PCLO: variants seen among roughly 807,000 people sequenced by gnomAD.
PCLO encodes piccolo presynaptic cytomatrix protein.
Under a neutral mutation model 427.5 loss-of-function variants are expected in PCLO, and 82 were observed. That is an observed-to-expected ratio of 0.19 (90% CI 0.16 to 0.23). The LOEUF is 0.23. Ranked by LOEUF, PCLO falls within the 10% of genes least tolerant of loss-of-function variation. The pLI is 1.00. For missense variants in PCLO, 6,239 were observed against 6,115.9 expected (o/e 1.02, Z -0.67); for synonymous variants, 2,357 against 2,155.4 (o/e 1.09, Z -2.59).
chr7:82,876,736 A>T (rs1264045708), intron 10 of PCLO, among the ~76,000 whole-genome samples: 4 of 152,144 alleles, frequency 2.6e-5, no homozygotes, highest in Non-Finnish European at 5.9e-5. Flanking sequence ...TTAAATATTG[A>T]CAGTCAAGAC....
chr7:82,980,800 T>C (rs10487652), intron 3 of PCLO, among the ~76,000 whole-genome samples: 11,203 of 152,118 alleles, frequency 0.074, 1,402 homozygotes, highest in African/African-American at 0.26. Context: ...TTATAGAGAA[T>C]GTGATGATTT....
At chr7:83,153,785 C>G (rs1409794119) in intron 2 of PCLO, among the ~76,000 whole-genome samples, 1 of 152,152 alleles carries the variant, frequency 6.6e-6, no homozygotes, top group East Asian at 1.9e-4. Context: ...CTGACTCTAA[C>G]CTATCTCCAA....
rs531358242 is a variant in PCLO, at chr7:82,902,800, T to C, written c.13438-59A>G. The C allele has an allele frequency of 4.5e-4, 365 of 813,466 alleles. 4 individuals are homozygous for C. The South Asian group carries it at 4.9e-3, about 11-fold the overall frequency. The allele number at this position is 813,466 out of a possible 1,614,324, so 50.4% of individuals were successfully genotyped here. A position where few individuals can be genotyped will look rare whatever the true frequency, so the allele number is the denominator to read the frequency against. On this transcript the variant is annotated intron_variant, in intron 8 of 24. Transcript: ENST00000333891. ...CATTAAAGACACTTAAAGTGCAATA[T>C]ACATAATTAGAATGGTTCATTTCAA...
chr7:82,901,298 T>C (rs557455435), intron 9 of PCLO, among the ~76,000 whole-genome samples: 3 of 151,906 alleles, frequency 2.0e-5, no homozygotes, highest in Non-Finnish European at 4.4e-5. Context: ...CAAAATGTCA[T>C]GAGTCATCTA....
intron 20 of PCLO, among the ~76,000 whole-genome samples, chr7:82,807,615 T>C (rs780251907): frequency 3.1e-4 from 47 of 152,070 alleles, no homozygotes; most frequent in Non-Finnish European, 5.6e-4. Context: ...TTTCTTCACT[T>C]TTTCAATTTC....
chr7:83,019,863 C>A (rs1389816102), intron 3 of PCLO, among the ~76,000 whole-genome samples: 4 of 151,900 alleles, frequency 2.6e-5, no homozygotes, highest in Admixed American at 2.6e-4. Context: ...AATTTAAATA[C>A]CAGAAAGATT....
intron 2 of PCLO, among the ~76,000 whole-genome samples, chr7:83,138,015 A>G (rs769462600): frequency 2.6e-5 from 4 of 152,080 alleles, no homozygotes; most frequent in Admixed American, 6.6e-5. Context: ...CCTATTATCA[A>G]TGTCAACTCT....
chr7:82,992,999 G>GTAT (rs370421499), intron 3 of PCLO, among the ~76,000 whole-genome samples: 12 of 152,052 alleles, frequency 7.9e-5, no homozygotes, highest in African/African-American at 2.6e-4. Flanking sequence ...TATGTGCTCA[G>GTAT]TATTGTCTCT....
chr7:83,158,960 A>C (rs1445190319), intron 1 of PCLO, among the ~76,000 whole-genome samples: 2 of 152,034 alleles, frequency 1.3e-5, no homozygotes, highest in Non-Finnish European at 2.9e-5. Flanking sequence ...TGTTAGGCAT[A>C]ACAGTTTTAC....
intron 10 of PCLO, among the ~76,000 whole-genome samples, chr7:82,862,566 CAAAAAA>C (rs36075501): frequency 2.2e-5 from 2 of 92,230 alleles, no homozygotes; most frequent in Middle Eastern, 7.7e-3. Context: ...GACTCTGCCT[CAAAAAA>C]AAAAAAAAAA....
intron 2 of PCLO, among the ~76,000 whole-genome samples, chr7:83,138,845 G>A (rs1791795050): frequency 6.6e-6 from 1 of 151,460 alleles, no homozygotes; most frequent in African/African-American, 2.4e-5. Flanking sequence ...GGAAATAGGG[G>A]GTGATAGCAT....
chr7:82,879,728 G>A, intron 9 of PCLO: 1 of 453,522 alleles, frequency 2.2e-6, no homozygotes, highest in Non-Finnish European at 4.1e-6. Context: ...AATATACCCA[G>A]GACTTGCCAA....
intron 3 of PCLO, among the ~76,000 whole-genome samples, chr7:83,105,231 G>A (rs1036740370): frequency 3.3e-5 from 5 of 152,062 alleles, no homozygotes; most frequent in Non-Finnish European, 5.9e-5. Context: ...TGTTTCTCAT[G>A]GAATGTGCAA....
intron 10 of PCLO, 126 bp from the exon 11 acceptor site, chr7:82,847,373 C>G: frequency 1.7e-6 from 1 of 588,058 alleles, no homozygotes; most frequent in Non-Finnish European, 3.0e-6. Context: ...AACATCAGTT[C>G]CAAGTTCTCT....
At chr7:83,002,902 C>T (rs543528438) in intron 3 of PCLO, among the ~76,000 whole-genome samples, 15 of 151,750 alleles carry the variant, frequency 9.9e-5, no homozygotes, top group African/African-American at 3.6e-4. Flanking sequence ...ACAATATTAA[C>T]ATAATATATT....
Position 82,795,450 on chromosome 7 carries a change from T to C in PCLO, c.15007+6068A>G, listed in dbSNP as rs560508393. On this transcript the variant is annotated intron_variant, in intron 22 of 24. Coordinates refer to ENST00000333891, the MANE Select transcript of PCLO (RefSeq NM_033026.6). Reference sequence around the variant, plus strand: ...TAGTTGATTGCCTATCATCATTAAGTATTGGATGTTTTCCTGCCCAAACCA... The same window carrying C: ...TAGTTGATTGCCTATCATCATTAAGCATTGGATGTTTTCCTGCCCAAACCA... 1.1e-4 allele frequency among the ~76,000 whole-genome samples: 17 copies of C among 152,288 alleles called. 1 individual carries two copies. Among genetic ancestry groups the C allele is most frequent in the African/African-American group, 4.1e-4 (17 of 41,574 alleles).
At position 82,754,676 on chromosome 7, in the gene PCLO, A is replaced by AATAAATTTGGCC. The variant is rs1790280925; in HGVS notation, c.*3898_*3899insGGCCAAATTTAT. On this transcript the variant is annotated 3_prime_UTR_variant, in exon 25 of 25. Transcript: ENST00000333891. ...AATTTTGGCCTAATGGATACCTTTA[A>AATAAATTTGGCC]TAATAGAACATGAAACATACAGAAA... 1 of 152,118 alleles carries AATAAATTTGGCC rather than the reference A, an allele frequency of 6.6e-6. No individual in the cohort carries two copies. The highest frequency in any genetic ancestry group is 1.5e-5 in the Non-Finnish European group (1 of 67,972). The allele number at this position is 152,118 out of a possible 1,614,324, so 9.4% of individuals were successfully genotyped here. A position where few individuals can be genotyped will look rare whatever the true frequency, so the allele number is the denominator to read the frequency against.
chr7:82,866,388 A>C (rs753388909), intron 10 of PCLO, among the ~76,000 whole-genome samples: 9 of 151,972 alleles, frequency 5.9e-5, no homozygotes, highest in Non-Finnish European at 1.3e-4. Flanking sequence ...TATTTGTTAT[A>C]ATCTGTCTTA....
Position 82,966,331 on chromosome 7 carries a change from G to C in PCLO, c.3457C>G (p.Gln1153Glu). 6.2e-7 allele frequency: 1 copy of C among 1,613,658 alleles called. No homozygotes were observed. Residue 1153 changes from glutamine to glutamate, a missense_variant, in exon 4 of 25, where the codon CAA becomes GAA. Around this residue, in one of 5 missense-constraint regions of PCLO, gnomAD observed 4,677 missense variants for 4,468.4 expected, o/e 1.05. Transcript: ENST00000333891. The part of the protein sequence containing the change: ...SSSQKTAVPP[Q>E]VKLVKKQEQE... ...TCTTGCTTTTTCACTAATTTTACTT[G>C]GGGAGGCACTGCTGTTTTCTGAGAT... is the stretch of plus-strand genomic sequence containing the variant.
Sources: allele counts gnomAD v4.1 joint callset (sites outside exome capture counted in the v4.1 genomes callset), GRCh38; gene constraint gnomAD v4.1.1; regional missense constraint gnomAD v4.1.1; transcripts MANE v1.5; gene names NCBI Gene and HGNC (gene_info 2026-07-23, HGNC 2026-07-21).